The following MREG variants were observed in gnomAD, a reference collection of about 807,000 sequenced individuals.
The protein encoded by MREG is dilute suppressor protein homolog.
Under a neutral mutation model 28.5 loss-of-function variants are expected in MREG, and 31 were observed. The ratio of observed to expected loss-of-function variants is 1.09; its 90% CI spans 0.82 to 1.47. The LOEUF (loss-of-function observed/expected upper bound fraction) is 1.47, where lower values mean the gene tolerates loss of function less well. Among genes scored for constraint, MREG ranks in the 40% most tolerant of loss-of-function variants. The pLI, the probability that MREG is intolerant of heterozygous loss-of-function variation, is 0.00. For missense variants in MREG, 256 were observed against 257.4 expected (o/e 0.99, Z 0.04); for synonymous variants, 106 against 95.2 (o/e 1.11, Z -0.66).
chr2:216,007,029 C>G (rs766584229), intron 1 of MREG, among the ~76,000 whole-genome samples: 1 of 152,204 alleles, frequency 6.6e-6, no homozygotes, highest in Non-Finnish European at 1.5e-5. Context: ...GGGCTCTGCT[C>G]TTTCTATGGC....
chr2:215,948,588 A>T (rs1692382856), intron 2 of MREG, among the ~76,000 whole-genome samples: 1 of 152,204 alleles, frequency 6.6e-6, no homozygotes, highest in Non-Finnish European at 1.5e-5. Flanking sequence ...ATAAGTTGTA[A>T]GGGAAAAAAC....
chr2:215,954,445 A>AACAAACACACAC (rs1553547417), intron 2 of MREG, among the ~76,000 whole-genome samples: 8,915 of 136,526 alleles, frequency 0.065, 392 homozygotes, highest in East Asian at 0.17. Context: ...ATCTGTGTAC[A>AACAAACACACAC]ACACACACAC....
chr2:215,979,837 G>C (rs1213955263), intron 2 of MREG, among the ~76,000 whole-genome samples: 1 of 151,796 alleles, frequency 6.6e-6, no homozygotes, highest in Non-Finnish European at 1.5e-5. Flanking sequence ...CTGGAGGCTT[G>C]ACTTGGTATT....
chr2:216,019,547 CAG>C (rs1214347730), intron 1 of MREG, among the ~76,000 whole-genome samples: 1 of 151,604 alleles, frequency 6.6e-6, no homozygotes, highest in Non-Finnish European at 1.5e-5. Context: ...CTCTGTCGCC[CAG>C]GCTGGAGTGC....
At position 215,943,543 on chromosome 2, in the gene MREG, T is replaced by C. The variant is rs1692234689; in HGVS notation, c.*1320A>G. 2.2e-6 allele frequency: 1 copy of C among 455,888 alleles called. No individual in the cohort carries two copies. Among genetic ancestry groups the C allele is most frequent in the South Asian group, 1.6e-5 (1 of 64,490 alleles). The allele number at this position is 455,888 out of a possible 1,614,324, so 28.2% of individuals were successfully genotyped here. ...TTCAGTTTACAGATGCTATTCCAGA[T>C]AAAATGCCAAGGGCTTGGCCGGGCG... is the stretch of plus-strand genomic sequence containing the variant. On this transcript the variant is annotated 3_prime_UTR_variant, in exon 5 of 5. Transcript: ENST00000263268.
rs191356008 is a variant in MREG at position 215,996,276 on chromosome 2, G to A, written c.255+30C>T. 64 of 1,602,276 alleles carry A rather than the reference G, an allele frequency of 4.0e-5. No individual in the cohort carries two copies. The East Asian group carries it at 8.7e-4, about 22-fold the overall frequency. ...TATTTTTTACTATATAGCATCATCC[G>A]CGCACAGCAAGACATCAAAAGGTGC... is the stretch of plus-strand genomic sequence containing the variant. On this transcript the variant is annotated intron_variant, in intron 2 of 4. Transcript: ENST00000263268.
chr2:215,955,617 CTT>C (rs1343398705), intron 2 of MREG, among the ~76,000 whole-genome samples: 2 of 152,312 alleles, frequency 1.3e-5, no homozygotes, highest in Middle Eastern at 3.4e-3. Flanking sequence ...ACTGTTGTCT[CTT>C]TCCTTTCAGT....
At chr2:215,958,197 G>A (rs907352093) in intron 2 of MREG, among the ~76,000 whole-genome samples, 3 of 151,318 alleles carry the variant, frequency 2.0e-5, no homozygotes, top group Non-Finnish European at 4.4e-5. Context: ...CATGGCACAT[G>A]TATACATATG....
chr2:215,959,657 T>C (rs1333751718), intron 2 of MREG, among the ~76,000 whole-genome samples: 1 of 152,248 alleles, frequency 6.6e-6, no homozygotes, highest in Non-Finnish European at 1.5e-5. Flanking sequence ...AGGTTACCCA[T>C]GATCTGACCT....
chr2:215,998,329 T>A (rs1470920816), intron 1 of MREG, among the ~76,000 whole-genome samples: 32 of 145,052 alleles, frequency 2.2e-4, no homozygotes, highest in African/African-American at 7.0e-4. Context: ...AAAATAATAA[T>A]AATAATAATA....
intron 1 of MREG, among the ~76,000 whole-genome samples, chr2:216,030,999 G>A (rs1360076612): frequency 1.6e-5 from 2 of 127,432 alleles, no homozygotes; most frequent in Non-Finnish European, 3.4e-5. Context: ...CACACACTCT[G>A]TCCCTGCTCT....
At chr2:216,003,748 C>T (rs143678332) in intron 1 of MREG, among the ~76,000 whole-genome samples, 9 of 152,260 alleles carry the variant, frequency 5.9e-5, no homozygotes, top group Non-Finnish European at 1.2e-4. Flanking sequence ...AGACCCTTGA[C>T]GGCATCCCCC....
In MREG at chr2:215,943,734, C is replaced by T. The variant is rs1692240963; in HGVS notation, c.*1129G>A. 3.4e-6 allele frequency: 1 copy of T among 295,616 alleles called. No homozygotes were observed. Among genetic ancestry groups the T allele is most frequent in the East Asian group, 8.7e-5 (1 of 11,450 alleles). The allele number at this position is 295,616 out of a possible 1,614,324, so 18.3% of individuals were successfully genotyped here. ...CACGCGCCTGTAGTTCCAGCTACTC[C>T]AGAGGCTGAGGCAGGGGAATCACTT... On this transcript the variant is annotated 3_prime_UTR_variant, in exon 5 of 5. Coordinates refer to ENST00000263268, the MANE Select transcript of MREG (RefSeq NM_018000.3).
At chr2:216,014,038 G>T (rs1694387893), upstream of MREG, among the ~76,000 whole-genome samples, 1 of 151,990 alleles carries the variant, frequency 6.6e-6, no homozygotes, top group South Asian at 2.1e-4. Context: ...TTTATATATA[G>T]TTGTATTTAT....
chr2:215,981,880 C>A (rs186854161), intron 2 of MREG, among the ~76,000 whole-genome samples: 28 of 152,280 alleles, frequency 1.8e-4, no homozygotes, highest in Middle Eastern at 6.8e-3. Flanking sequence ...ATCCTCAAAT[C>A]TGTCTGATTC....
At chr2:215,986,855 T>C (rs1264134563) in intron 2 of MREG, among the ~76,000 whole-genome samples, 1 of 152,256 alleles carries the variant, frequency 6.6e-6, no homozygotes, top group Admixed American at 6.5e-5. Context: ...GTCTTGGGTA[T>C]GTCTTTATTA....
At chr2:215,959,284 C>T (rs913275678) in intron 2 of MREG, among the ~76,000 whole-genome samples, 1 of 152,158 alleles carries the variant, frequency 6.6e-6, no homozygotes, top group Non-Finnish European at 1.5e-5. Context: ...CACCTTTCTG[C>T]TGGATGTGTC....
intron 1 of MREG, among the ~76,000 whole-genome samples, chr2:216,006,575 G>C (rs940111895): frequency 5.3e-5 from 8 of 152,210 alleles, no homozygotes; most frequent in African/African-American, 1.7e-4. Context: ...GTGCCAATCT[G>C]CCCAATCTGC....
intron 1 of MREG, among the ~76,000 whole-genome samples, chr2:216,006,632 A>T (rs889732526): frequency 3.9e-5 from 6 of 152,222 alleles, no homozygotes; most frequent in Non-Finnish European, 8.8e-5. Flanking sequence ...CTGGGAAAAA[A>T]GTCAGGCCAT....
Sources: gnomAD v4.1 joint callset for allele counts (sites outside exome capture counted in the v4.1 genomes callset) on GRCh38, gnomAD v4.1.1 for gene constraint, MANE v1.5 for transcripts, NCBI Gene and HGNC (gene_info 2026-07-23, HGNC 2026-07-21) for gene names.